Variants in ST8SIA6 observed in about 807,000 individuals in gnomAD.
The protein encoded by ST8SIA6 is alpha-2,8-sialyltransferase 8F.
In ST8SIA6, 39 loss-of-function variants were observed where a neutral mutation model predicts 33.6. The observed-to-expected ratio is 1.16, with a 90% CI of 0.90 to 1.52. The LOEUF (loss-of-function observed/expected upper bound fraction) is 1.52, where lower values mean the gene tolerates loss of function less well. ST8SIA6 is among the 40% of genes most tolerant of loss of function. The pLI is 0.00. For missense variants in ST8SIA6, 441 were observed against 443.8 expected (o/e 0.99, Z 0.06); for synonymous variants, 172 against 167.2 (o/e 1.03, Z -0.22).
At chr10:17,402,171 T>C (rs1851070516) in intron 2 of ST8SIA6, among the ~76,000 whole-genome samples, 1 of 151,998 alleles carries the variant, frequency 6.6e-6, no homozygotes, top group Non-Finnish European at 1.5e-5. Context: ...AACAGACACA[T>C]GAAAAAATGC....
At chr10:17,379,230 C>A (rs779595530) in intron 3 of ST8SIA6, among the ~76,000 whole-genome samples, 19 of 151,904 alleles carry the variant, frequency 1.3e-4, no homozygotes, top group Non-Finnish European at 2.5e-4. Context: ...CTATTAACAG[C>A]TTATCCCTAA....
At chr10:17,377,590 T>A (rs1849959941) in intron 3 of ST8SIA6, among the ~76,000 whole-genome samples, 1 of 152,154 alleles carries the variant, frequency 6.6e-6, no homozygotes, top group Non-Finnish European at 1.5e-5. Flanking sequence ...AATAAAGAAT[T>A]ATGGCACAAA....
chr10:17,339,982 G>A (rs1182623329), intron 4 of ST8SIA6, among the ~76,000 whole-genome samples: 1 of 152,120 alleles, frequency 6.6e-6, no homozygotes, highest in Admixed American at 6.5e-5. Flanking sequence ...AAAATAAAAA[G>A]GTTTAGAAAG....
At chr10:17,386,881 A>G (rs1160885899) in intron 3 of ST8SIA6, 2 of 152,342 alleles carry the variant, frequency 1.3e-5, no homozygotes, top group Non-Finnish European at 2.9e-5. Flanking sequence ...CGCTTCTGCT[A>G]TCTTGCTGAC....
intron 2 of ST8SIA6, among the ~76,000 whole-genome samples, chr10:17,422,094 C>T (rs1851795928): frequency 6.6e-6 from 1 of 151,958 alleles, no homozygotes; most frequent in South Asian, 2.1e-4. Context: ...TAAAGGAGAA[C>T]ACCTAACAAT....
intron 2 of ST8SIA6, among the ~76,000 whole-genome samples, chr10:17,393,993 A>G (rs1453047425): frequency 6.6e-6 from 1 of 152,018 alleles, no homozygotes; most frequent in African/African-American, 2.4e-5. Flanking sequence ...TTTGCCTTGT[A>G]TTTTATGCAG....
rs572211542 is a variant in ST8SIA6 at position 17,380,857 on chromosome 10, G to GTGTATGTA, written c.290+9673_290+9674insTACATACA. Among the ~76,000 whole-genome samples, 204 of 151,922 alleles carry GTGTATGTA rather than the reference G, an allele frequency of 1.3e-3. 1 individual carries two copies. Among genetic ancestry groups the GTGTATGTA allele is most frequent in the South Asian group, 5.8e-3 (28 of 4,814 alleles). On this transcript the variant is annotated intron_variant, in intron 3 of 7. Transcript: ENST00000377602. The stretch of plus-strand genomic sequence containing the variant: ...TGTATGTGTACGTTTGTGTGTTTGT[G>GTGTATGTA]TGTATGTGTTTGTATGTGTACACGT...
chr10:17,316,679 T>G lies in ST8SIA6; in HGVS notation c.*4199A>C, dbSNP rs1363005377. ...TTACCAATGCAATGGATGTAGTATC[T>G]CACTTTCATTTGCATTTCTCAGGTT... On this transcript the variant is annotated 3_prime_UTR_variant, in exon 8 of 8. Coordinates refer to ENST00000377602, the MANE Select transcript of ST8SIA6 (RefSeq NM_001004470.3). 5.9e-5 allele frequency among the ~76,000 whole-genome samples: 9 copies of G among 152,178 alleles called. No individual in the cohort carries two copies. Among genetic ancestry groups the G allele is most frequent in the African/African-American group, 2.2e-4 (9 of 41,460 alleles).
At chr10:17,357,537 T>C (rs1849238931) in intron 4 of ST8SIA6, among the ~76,000 whole-genome samples, 1 of 152,164 alleles carries the variant, frequency 6.6e-6, no homozygotes, top group African/African-American at 2.4e-5. Context: ...TCTGCTCAGC[T>C]TCTCTGCCTC....
intron 3 of ST8SIA6, among the ~76,000 whole-genome samples, chr10:17,379,252 C>T (rs111835379): frequency 3.6e-4 from 54 of 151,974 alleles, no homozygotes; most frequent in Admixed American, 9.2e-4. Context: ...TTCAAGGGTC[C>T]AGTGGAGGGA....
intron 3 of ST8SIA6, among the ~76,000 whole-genome samples, chr10:17,386,128 C>T (rs1467017017): frequency 6.6e-6 from 1 of 151,962 alleles, no homozygotes; most frequent in Non-Finnish European, 1.5e-5. Flanking sequence ...CTGCAGTGAG[C>T]TGTGTTCGTG....
chr10:17,401,582 G>T (rs955115899), intron 2 of ST8SIA6, among the ~76,000 whole-genome samples: 3 of 152,148 alleles, frequency 2.0e-5, no homozygotes, highest in Non-Finnish European at 2.9e-5. Flanking sequence ...CCAAAACAAA[G>T]ATGGAGACCA....
intron 3 of ST8SIA6, among the ~76,000 whole-genome samples, chr10:17,364,123 A>G (rs1377818124): frequency 6.6e-6 from 1 of 152,242 alleles, no homozygotes; most frequent in Non-Finnish European, 1.5e-5. Flanking sequence ...ATTGTTTTGC[A>G]ATCATTCTTG....
chr10:17,339,477 T>G (rs1564408763), intron 4 of ST8SIA6, among the ~76,000 whole-genome samples: 1 of 152,208 alleles, frequency 6.6e-6, no homozygotes, highest in Non-Finnish European at 1.5e-5. Context: ...AAAAGAGTTT[T>G]AAAATGTAAG....
chr10:17,342,538 G>A (rs1358060084), intron 4 of ST8SIA6, among the ~76,000 whole-genome samples: 2 of 152,178 alleles, frequency 1.3e-5, no homozygotes, highest in Admixed American at 1.3e-4. Context: ...AAAGCCAGCT[G>A]GGACATGGCT....
At chr10:17,337,069 T>G (rs1848524491) in intron 4 of ST8SIA6, among the ~76,000 whole-genome samples, 1 of 152,066 alleles carries the variant, frequency 6.6e-6, no homozygotes, top group Non-Finnish European at 1.5e-5. Context: ...TGGGGGTGGA[T>G]TTCCCCCTAG....
intron 6 of ST8SIA6, among the ~76,000 whole-genome samples, chr10:17,325,404 G>A (rs1193399381): frequency 1.4e-5 from 2 of 146,720 alleles, no homozygotes; most frequent in African/African-American, 5.0e-5. Context: ...CAGTATATAT[G>A]TGATTATATA....
chr10:17,450,353 T>G (rs776563176), intron 2 of ST8SIA6, among the ~76,000 whole-genome samples: 9 of 152,152 alleles, frequency 5.9e-5, no homozygotes, highest in African/African-American at 9.7e-5. Flanking sequence ...CCCTGTAGAT[T>G]AGAAGGAAAA....
At position 17,318,430 on chromosome 10, in the gene ST8SIA6, A is replaced by G. The variant is rs1847842193; in HGVS notation, c.*2448T>C. On this transcript the variant is annotated 3_prime_UTR_variant, in exon 8 of 8. Coordinates refer to ENST00000377602, the MANE Select transcript of ST8SIA6 (RefSeq NM_001004470.3). ...GGGTACTCACTATGTTGCCCAGGCT[A>G]GTCTCAAACTCCTGGCCTCAAGTGA... 5 of 326,824 alleles carry G rather than the reference A, an allele frequency of 1.5e-5. No individual in the cohort carries two copies. The highest frequency in any genetic ancestry group is 1.3e-4 in the South Asian group (5 of 38,264). 20.2% of individuals were successfully genotyped at this position (326,824 alleles called of 1,614,324 possible). A position where few individuals can be genotyped will look rare whatever the true frequency, so the allele number is the denominator to read the frequency against.
Sources: gnomAD v4.1 joint callset for allele counts (sites outside exome capture counted in the v4.1 genomes callset) on GRCh38, gnomAD v4.1.1 for gene constraint, MANE v1.5 for transcripts, NCBI Gene and HGNC (gene_info 2026-07-23, HGNC 2026-07-21) for gene names.